Variants in LARS2 observed in about 807,000 individuals in gnomAD.
LARS2 encodes the protein leucyl-tRNA synthetase 2, mitochondrial, also known as leucine--tRNA ligase, mitochondrial.
LARS2 carries 81 observed loss-of-function variants against 116.6 expected under a neutral mutation model. That is an observed-to-expected ratio of 0.69 (90% CI 0.58 to 0.84). LARS2 has a LOEUF of 0.84. Among genes scored for constraint, LARS2 ranks in the 40% least tolerant of loss-of-function variants. LARS2 has a pLI of 0.00. For synonymous variants in LARS2, 396 were observed against 407.2 expected (o/e 0.97, Z 0.33); for missense variants, 968 against 1,114.5 (o/e 0.87, Z 1.87).
intron 21 of LARS2, among the ~76,000 whole-genome samples, chr3:45,545,045 C>T (rs1700856511): frequency 1.3e-5 from 2 of 152,162 alleles, no homozygotes; most frequent in Admixed American, 1.3e-4. Flanking sequence ...GGGGCTGTGT[C>T]AGGTCATCCC....
intron 14 of LARS2, among the ~76,000 whole-genome samples, chr3:45,499,372 G>A (rs1347643336): frequency 1.3e-5 from 2 of 152,162 alleles, no homozygotes; most frequent in South Asian, 2.1e-4. Context: ...AACCCTGGAG[G>A]CGGAGGTTGC....
At chr3:45,428,136 A>G (rs867984530) in intron 6 of LARS2, among the ~76,000 whole-genome samples, 1 of 150,200 alleles carries the variant, frequency 6.7e-6, no homozygotes, top group African/African-American at 2.4e-5. Flanking sequence ...CTTGTTTTCA[A>G]TGTACTTTTA....
intron 19 of LARS2, among the ~76,000 whole-genome samples, chr3:45,521,283 C>T (rs376756679): frequency 3.5e-4 from 53 of 151,848 alleles, no homozygotes; most frequent in African/African-American, 1.2e-3. Context: ...TCAGCCTGGG[C>T]GACAAAGCAA....
chr3:45,419,809 G>A, intron 6 of LARS2, 80 bp downstream of exon 6: 1 of 1,162,294 alleles, frequency 8.6e-7, no homozygotes, highest in Middle Eastern at 1.9e-4. Context: ...TCCTCTTTGA[G>A]TTGGGAGAAG....
intron 6 of LARS2, among the ~76,000 whole-genome samples, chr3:45,430,680 G>C (rs1436643923): frequency 2.1e-5 from 3 of 143,582 alleles, no homozygotes; most frequent in Non-Finnish European, 3.0e-5. Flanking sequence ...CGCCTCCCGA[G>C]TTCACGTCAT....
intron 10 of LARS2, among the ~76,000 whole-genome samples, chr3:45,484,903 C>T (rs1699780643): frequency 6.6e-6 from 1 of 151,330 alleles, no homozygotes; most frequent in Non-Finnish European, 1.5e-5. Context: ...CTGTACACCC[C>T]CCATATTTCT....
At chr3:45,460,725 G>T (rs1351791705) in intron 8 of LARS2, among the ~76,000 whole-genome samples, 1 of 152,170 alleles carries the variant, frequency 6.6e-6, no homozygotes, top group Non-Finnish European at 1.5e-5. Context: ...CAGAGACACA[G>T]ACATGAGGGG....
intron 6 of LARS2, among the ~76,000 whole-genome samples, chr3:45,444,678 A>C (rs1346860882): frequency 2.7e-5 from 4 of 150,208 alleles, no homozygotes; most frequent in Non-Finnish European, 5.9e-5. Context: ...AAAAAAAAAA[A>C]AAAAAAACAA....
intron 6 of LARS2, among the ~76,000 whole-genome samples, chr3:45,434,878 T>C (rs1423385455): frequency 6.6e-6 from 1 of 152,160 alleles, no homozygotes; most frequent in Non-Finnish European, 1.5e-5. Context: ...CCACTAGCCT[T>C]CCACCAGTAT....
intron 10 of LARS2, chr3:45,484,042 T>TGA (rs1699750486): frequency 2.6e-5 from 1 of 38,698 alleles, no homozygotes; most frequent in African/African-American, 3.7e-5. Context: ...CTACAAAAAA[T>TGA]TAAAAAAAAA....
intron 10 of LARS2, among the ~76,000 whole-genome samples, chr3:45,483,648 CA>C (rs879615671): frequency 6.7e-6 from 1 of 149,170 alleles, no homozygotes; most frequent in Non-Finnish European, 1.5e-5. Context: ...GACCCTGTCT[CA>C]AAAAAAAAGA....
At chr3:45,535,770 C>G (rs2578667) in intron 20 of LARS2, among the ~76,000 whole-genome samples, 2 of 126,386 alleles carry the variant, frequency 1.6e-5, no homozygotes, top group Non-Finnish European at 3.4e-5. Flanking sequence ...ACACACACCC[C>G]CACACCCACA....
At chr3:45,415,886 GAGAGA>G (rs1698410260) in intron 4 of LARS2, among the ~76,000 whole-genome samples, 3 of 100,028 alleles carry the variant, frequency 3.0e-5, no homozygotes, top group African/African-American at 2.2e-4. Flanking sequence ...TAGAGAGAGA[GAGAGA>G]GGGAGAGAGA....
At chr3:45,508,629 G>A (rs970254397) in intron 15 of LARS2, among the ~76,000 whole-genome samples, 15 of 152,044 alleles carry the variant, frequency 9.9e-5, no homozygotes, top group East Asian at 1.9e-4. Flanking sequence ...GGTCAGGGGA[G>A]TGGGCAGCAG....
At chr3:45,527,363 G>A (rs775438395) in intron 20 of LARS2, among the ~76,000 whole-genome samples, 9 of 152,106 alleles carry the variant, frequency 5.9e-5, no homozygotes, top group Non-Finnish European at 1.0e-4. Flanking sequence ...GGTGGCTCAC[G>A]CCTGTAATCC....
chr3:45,396,787 G>T (rs950572275), intron 3 of LARS2, among the ~76,000 whole-genome samples: 2 of 152,180 alleles, frequency 1.3e-5, no homozygotes, highest in African/African-American at 4.8e-5. Flanking sequence ...AAAGGTTTAG[G>T]TAATTTGCCA....
intron 19 of LARS2, among the ~76,000 whole-genome samples, chr3:45,521,873 C>T (rs752695707): frequency 6.6e-6 from 1 of 151,744 alleles, no homozygotes; most frequent in East Asian, 1.9e-4. Context: ...TTTGGGAGGC[C>T]GAGGCAGCAG....
At chr3:45,471,634 A>G (rs17639231) in intron 8 of LARS2, among the ~76,000 whole-genome samples, 5,239 of 152,274 alleles carry the variant, frequency 0.034, 98 homozygotes, top group Middle Eastern at 0.068. Flanking sequence ...GATTGAGCCA[A>G]TTTTCAGATC....
intron 6 of LARS2, among the ~76,000 whole-genome samples, chr3:45,421,000 T>C (rs1456009980): frequency 6.6e-6 from 1 of 152,240 alleles, no homozygotes; most frequent in African/African-American, 2.4e-5. Context: ...AAAGTTCAAA[T>C]CAATATGCAT....
Sources: gnomAD v4.1 joint callset for allele counts (sites outside exome capture counted in the v4.1 genomes callset) on GRCh38, gnomAD v4.1.1 for gene constraint, MANE v1.5 for transcripts, NCBI Gene and HGNC (gene_info 2026-07-23, HGNC 2026-07-21) for gene names.